Variants in CDH3 observed in about 807,000 individuals in gnomAD.
CDH3 encodes cadherin 3.
Under a neutral mutation model 82.0 loss-of-function variants are expected in CDH3, and 54 were observed. The ratio of observed to expected loss-of-function variants is 0.66; its 90% CI spans 0.53 to 0.83. CDH3 has a LOEUF of 0.83. Among genes scored for constraint, CDH3 ranks in the 40% least tolerant of loss-of-function variants. CDH3 has a pLI of 0.00. For synonymous variants in CDH3, 446 were observed against 437.9 expected (o/e 1.02, Z -0.23); for missense variants, 1,054 against 1,084.6 (o/e 0.97, Z 0.40).
intron 2 of CDH3, among the ~76,000 whole-genome samples, chr16:68,664,310 T>C (rs1960679016): frequency 6.6e-6 from 1 of 152,220 alleles, no homozygotes; most frequent in Non-Finnish European, 1.5e-5. Context: ...ATATAACTTT[T>C]GGTCAGAGGA....
chr16:68,700,997 G>A (rs911805971), downstream of CDH3, among the ~76,000 whole-genome samples: 1 of 152,310 alleles, frequency 6.6e-6, no homozygotes, highest in East Asian at 1.9e-4. Context: ...CTGACAGGGA[G>A]TGTGGGAGGA....
intron 3 of CDH3, among the ~76,000 whole-genome samples, chr16:68,676,796 A>T (rs183860957): frequency 6.6e-6 from 1 of 152,168 alleles, no homozygotes; most frequent in Non-Finnish European, 1.5e-5. Context: ...TGTTAACCCC[A>T]ACTGAAAGCA....
In CDH3 at chr16:68,678,392, G is replaced by A. The variant is rs966015638; in HGVS notation, c.391-109G>A. On this transcript the variant is annotated intron_variant, in intron 4 of 15. Coordinates refer to ENST00000264012, the MANE Select transcript of CDH3 (RefSeq NM_001793.6). ...GGGCTGAGACAGAAAAACCTCTCCT[G>A]TTCAGTGAGCAGATTCTCCTATGGC... 7.6e-6 allele frequency: 12 copies of A among 1,581,066 alleles called. No homozygotes were observed. In the Admixed American group the frequency reaches 2.0e-4, roughly 26 times the overall value.
At chr16:68,645,588 C>A in intron 1 of CDH3, 48 bp from the exon 2 acceptor site, 1 of 1,493,962 alleles carries the variant, frequency 6.7e-7, no homozygotes. Flanking sequence ...AGTGCAGGGC[C>A]GGGCACGCCT....
chr16:68,725,571 G>A (rs544667684), intron 2 of CDH3, among the ~76,000 whole-genome samples: 43 of 152,014 alleles, frequency 2.8e-4, no homozygotes, highest in Admixed American at 7.2e-4. Flanking sequence ...CTGACCTCCT[G>A]ATCCACCCGC....
At chr16:68,645,524 C>T (rs1262951458) in intron 1 of CDH3, 100 bp downstream of exon 1, 25 of 1,473,928 alleles carry the variant, frequency 1.7e-5, no homozygotes, top group Non-Finnish European at 2.2e-5. Flanking sequence ...CGGGGCTGCG[C>T]TCCCTGGGGC....
intron 11 of CDH3, among the ~76,000 whole-genome samples, chr16:68,686,174 G>T (rs1597812966): frequency 6.6e-6 from 1 of 152,260 alleles, no homozygotes; most frequent in Admixed American, 6.5e-5. Context: ...AAAATTAGCT[G>T]AGTGTGCCGC....
At chr16:68,680,148 C>T (rs1961176215) in intron 7 of CDH3, among the ~76,000 whole-genome samples, 174 bp downstream of exon 7, 2 of 152,248 alleles carry the variant, frequency 1.3e-5, no homozygotes, top group Admixed American at 6.5e-5. Flanking sequence ...GTTCCTTGGG[C>T]CTGTGGCCCG....
chr16:68,675,855 A>T (rs552630857), intron 2 of CDH3, among the ~76,000 whole-genome samples: 2 of 152,138 alleles, frequency 1.3e-5, no homozygotes, highest in East Asian at 3.9e-4. Context: ...TATCATAGTT[A>T]TAGGGATGAA....
chr16:68,713,694 G>A (rs1316812868), intron 1 of CDH3, among the ~76,000 whole-genome samples: 2 of 152,056 alleles, frequency 1.3e-5, no homozygotes, highest in African/African-American at 2.4e-5. Flanking sequence ...CAAGCAGCAT[G>A]TCATTGGACG....
At chr16:68,678,059 C>G (rs954128213) in intron 3 of CDH3, 75 bp from the exon 4 acceptor site, 2 of 1,397,372 alleles carry the variant, frequency 1.4e-6, no homozygotes, top group African/African-American at 2.8e-5. Flanking sequence ...ACCCTTTTAA[C>G]TCTTATAGGT....
intron 1 of CDH3, among the ~76,000 whole-genome samples, chr16:68,712,978 GGT>G (rs1483368509): frequency 3.9e-5 from 6 of 151,920 alleles, no homozygotes; most frequent in African/African-American, 4.8e-5. Context: ...TACCGTGCCT[GGT>G]CAATTCCAAG....
intron 11 of CDH3, chr16:68,686,262 C>G: frequency 1.6e-6 from 1 of 638,898 alleles, no homozygotes; most frequent in Non-Finnish European, 2.8e-6. Context: ...GCGGCAAGGG[C>G]TGGGGTGAGT....
rs1961104299 is a variant in CDH3 at position 68,678,569 on chromosome 16, C to G, written c.459C>G (p.Pro153=). ...YSITGPGADS[P]PEGVFAVEKE... ...TCACGGGGCCGGGGGCAGACAGCCC[C>G]CCTGAGGGTGTCTTCGCTGTAGAGA... The change falls in exon 5 of 16, where the codon CCC becomes CCG. Residue 153 remains proline (P), a synonymous_variant. Coordinates refer to ENST00000264012, the MANE Select transcript of CDH3 (RefSeq NM_001793.6). 1 of 1,614,246 alleles carries G rather than the reference C, an allele frequency of 6.2e-7. No homozygotes were observed. The highest frequency in any genetic ancestry group is 8.5e-7 in the Non-Finnish European group (1 of 1,180,036).
chr16:68,671,037 C>T (rs1358938460), intron 2 of CDH3, among the ~76,000 whole-genome samples: 1 of 152,076 alleles, frequency 6.6e-6, no homozygotes, highest in African/African-American at 2.4e-5. Context: ...TACACCACTG[C>T]ACTCCAGCCT....
At chr16:68,721,229 C>A in intron 1 of CDH3, among the ~76,000 whole-genome samples, 1 of 114,576 alleles carries the variant, frequency 8.7e-6, no homozygotes, top group East Asian at 2.7e-4. Flanking sequence ...GCAGTTTAGT[C>A]TTTTTTTTTT....
chr16:68,678,207 G>C lies in CDH3; in HGVS notation c.320G>C (p.Arg107Thr). ...PSKRILRRHK[R>T]DWVVAPISVP... ...AAACGTATCTTACGAAGACACAAGAGAGATTGGGTGGTTGCTCCAATATCT... is the reference window on the plus strand; with the variant it reads ...AAACGTATCTTACGAAGACACAAGACAGATTGGGTGGTTGCTCCAATATCT... The change falls in exon 4 of 16, where the codon AGA becomes ACA. Residue 107 changes from arginine (R) to threonine (T), a missense_variant. Physicochemically the swap from Arg to Thr is moderately conservative, Grantham distance 71. Coordinates refer to ENST00000264012, the MANE Select transcript of CDH3 (RefSeq NM_001793.6). 1 of 1,613,988 alleles carries C rather than the reference G, an allele frequency of 6.2e-7. No individual in the cohort carries two copies. Among genetic ancestry groups the C allele is most frequent in the South Asian group, 1.1e-5 (1 of 91,080 alleles).
At chr16:68,716,353 G>C (rs977696183) in intron 1 of CDH3, among the ~76,000 whole-genome samples, 1 of 152,062 alleles carries the variant, frequency 6.6e-6, no homozygotes, top group African/African-American at 2.4e-5. Flanking sequence ...AGGCACAGTG[G>C]CTCACTCCTG....
At chr16:68,722,686 C>T (rs1962177691) in intron 2 of CDH3, 1 of 152,246 alleles carries the variant, frequency 6.6e-6, no homozygotes, top group African/African-American at 2.4e-5. Context: ...CTTACACCCC[C>T]AGAGACCCAG....
Sources: allele counts gnomAD v4.1 joint callset (sites outside exome capture counted in the v4.1 genomes callset), GRCh38; gene constraint gnomAD v4.1.1; transcripts MANE v1.5; gene names NCBI Gene and HGNC (gene_info 2026-07-23, HGNC 2026-07-21).